C1GALT1: variants seen among roughly 807,000 people sequenced by gnomAD.
The protein encoded by C1GALT1 is glycoprotein-N-acetylgalactosamine 3-beta-galactosyltransferase 1.
Under a neutral mutation model 31.0 loss-of-function variants are expected in C1GALT1, and 11 were observed. The observed-to-expected ratio is 0.36, with a 90% CI of 0.22 to 0.59. The LOEUF is 0.59. Ranked by LOEUF, C1GALT1 falls within the 20% of genes least tolerant of loss-of-function variation. The probability of loss-of-function intolerance (pLI) is 0.79; values close to 1 mark genes in which losing one functional copy is unlikely to be tolerated. For missense variants in C1GALT1, 424 were observed against 425.2 expected, an observed-to-expected ratio of 1.00 and a Z score of 0.03; for synonymous variants, 175 against 143.6, an observed-to-expected ratio of 1.22 and a Z score of -1.56.
chr7:7,191,337 G>A (rs924694791), intron 1 of C1GALT1, among the ~76,000 whole-genome samples: 8 of 152,100 alleles, frequency 5.3e-5, no homozygotes, highest in Admixed American at 2.6e-4. Flanking sequence ...TTTCAAGGCT[G>A]AATACTATTC....
intron 3 of C1GALT1, 81 bp downstream of exon 3, chr7:7,239,003 T>C: frequency 8.9e-7 from 1 of 1,124,982 alleles, no homozygotes; most frequent in South Asian, 1.6e-5. Context: ...TATGTGTATG[T>C]TTCTTTAGTA....
rs117018832 is a variant in C1GALT1 at position 7,193,845 on chromosome 7, A to G, written c.-18+11025A>G. ...TTTCCATTTGTTTGTGTCATTTTCAATTTCTTTCAGCAGTGTTTTGTAGTT... is the reference window on the plus strand; with the variant it reads ...TTTCCATTTGTTTGTGTCATTTTCAGTTTCTTTCAGCAGTGTTTTGTAGTT... On this transcript the variant is annotated intron_variant, in intron 1 of 3. Coordinates refer to ENST00000436587, the MANE Select transcript of C1GALT1 (RefSeq NM_020156.5). Among the ~76,000 whole-genome samples the G allele has an allele frequency of 4.6e-3, 700 of 152,098 alleles. 7 individuals are homozygous for G. Among genetic ancestry groups the G allele is most frequent in the East Asian group, 0.015 (78 of 5,176 alleles).
chr7:7,218,558 T>C (rs1259678413), intron 1 of C1GALT1, among the ~76,000 whole-genome samples: 1 of 152,170 alleles, frequency 6.6e-6, no homozygotes, highest in Non-Finnish European at 1.5e-5. Context: ...GGTGAGCTGC[T>C]TTGCCCCCTC....
intron 3 of C1GALT1, among the ~76,000 whole-genome samples, chr7:7,243,305 C>G (rs1783710395): frequency 6.6e-6 from 1 of 152,104 alleles, no homozygotes; most frequent in Non-Finnish European, 1.5e-5. Context: ...TCCACAGTTT[C>G]ACTTGGTTTC....
intron 2 of C1GALT1, among the ~76,000 whole-genome samples, chr7:7,169,597 T>C (rs966393567): frequency 6.6e-6 from 1 of 152,174 alleles, no homozygotes; most frequent in Non-Finnish European, 1.5e-5. Context: ...TGGTACATCA[T>C]TGTTGTTTTG....
chr7:7,189,312 G>T (rs1006733673), intron 1 of C1GALT1, among the ~76,000 whole-genome samples: 1 of 152,004 alleles, frequency 6.6e-6, no homozygotes, highest in Non-Finnish European at 1.5e-5. Context: ...ATATATCAAG[G>T]CATAATTAGT....
intron 1 of C1GALT1, among the ~76,000 whole-genome samples, chr7:7,230,622 C>T (rs1383679060): frequency 4.9e-5 from 6 of 121,514 alleles, no homozygotes; most frequent in South Asian, 2.7e-4. Flanking sequence ...TCTATATTCC[C>T]TTTTTTTTTT....
chr7:7,229,507 C>T (rs895947063), intron 1 of C1GALT1, among the ~76,000 whole-genome samples: 1 of 152,094 alleles, frequency 6.6e-6, no homozygotes, highest in African/African-American at 2.4e-5. Flanking sequence ...TGTAGATTGT[C>T]TTGATCATGT....
chr7:7,230,235 G>C lies in C1GALT1; in HGVS notation c.-17-4068G>C, dbSNP rs1249017366. On this transcript the variant is annotated intron_variant, in intron 1 of 3. Coordinates refer to ENST00000436587, the MANE Select transcript of C1GALT1 (RefSeq NM_020156.5). ...TGTACTTAATGGGATAAAGACACAT[G>C]AATGGGTTTTTGTATACACTTTTTA... Among the ~76,000 whole-genome samples the C allele has an allele frequency of 8.5e-5, 13 of 152,228 alleles. No homozygotes were observed. In the East Asian group the frequency reaches 2.3e-3, roughly 27 times the overall value.
At chr7:7,195,391 A>G in intron 1 of C1GALT1, among the ~76,000 whole-genome samples, 1 of 152,160 alleles carries the variant, frequency 6.6e-6, no homozygotes, top group East Asian at 1.9e-4. Context: ...CATTCAGTTC[A>G]AAGGATTTTT....
chr7:7,228,800 C>G (rs10259085), intron 1 of C1GALT1, among the ~76,000 whole-genome samples: 1 of 151,952 alleles, frequency 6.6e-6, no homozygotes, highest in African/African-American at 2.4e-5. Context: ...AAAACAATTA[C>G]GTAACACCAA....
At chr7:7,163,662 T>C (rs1387436392) in intron 2 of C1GALT1, among the ~76,000 whole-genome samples, 5 of 152,070 alleles carry the variant, frequency 3.3e-5, no homozygotes, top group Admixed American at 6.6e-5. Context: ...AGCATTCTTA[T>C]ACACCAATAA....
intron 1 of C1GALT1, among the ~76,000 whole-genome samples, chr7:7,212,569 G>A (rs922688686): frequency 3.3e-5 from 5 of 152,212 alleles, no homozygotes; most frequent in Admixed American, 6.5e-5. Flanking sequence ...AGCAGGCTTA[G>A]TGTGATCAAC....
At chr7:7,179,809 G>T (rs1439535555), upstream of C1GALT1, among the ~76,000 whole-genome samples, 1 of 151,166 alleles carries the variant, frequency 6.6e-6, no homozygotes, top group Non-Finnish European at 1.5e-5. Context: ...TTGTTATTAT[G>T]GGTGAAATAT....
chr7:7,171,150 T>C (rs928145596), intron 2 of C1GALT1, among the ~76,000 whole-genome samples: 1 of 152,154 alleles, frequency 6.6e-6, no homozygotes, highest in African/African-American at 2.4e-5. Flanking sequence ...GTCTTTTATT[T>C]TGTGACTTAT....
At chr7:7,243,271 A>C (rs1207701350) in intron 3 of C1GALT1, among the ~76,000 whole-genome samples, 1 of 152,118 alleles carries the variant, frequency 6.6e-6, no homozygotes, top group Non-Finnish European at 1.5e-5. Context: ...GTGTGAGAGA[A>C]TATTGTTTCA....
chr7:7,198,984 A>G lies in C1GALT1; in HGVS notation c.-18+16164A>G, dbSNP rs544190086. Among the ~76,000 whole-genome samples the G allele has an allele frequency of 7.4e-4, 112 of 152,210 alleles. 1 individual carries two copies. Among genetic ancestry groups the G allele is most frequent in the South Asian group, 6.6e-3 (32 of 4,826 alleles). On this transcript the variant is annotated intron_variant, in intron 1 of 3. Transcript: ENST00000436587. Reference sequence around the variant, plus strand: ...ATTTTGTTGATCTTTTCAAAAAACCAGCTCCTGGATTCACTGATTTTTTTT... The same window carrying G: ...ATTTTGTTGATCTTTTCAAAAAACCGGCTCCTGGATTCACTGATTTTTTTT...
chr7:7,169,742 G>A (rs1780432468), intron 2 of C1GALT1, among the ~76,000 whole-genome samples: 1 of 152,126 alleles, frequency 6.6e-6, no homozygotes, highest in African/African-American at 2.4e-5. Flanking sequence ...TTTTAAGTAT[G>A]TTGTTGGATT....
At chr7:7,185,648 C>A (rs999845525) in intron 1 of C1GALT1, among the ~76,000 whole-genome samples, 1 of 152,184 alleles carries the variant, frequency 6.6e-6, no homozygotes, top group Non-Finnish European at 1.5e-5. Context: ...ATGGTGTGCT[C>A]CACTTCTTGC....
Sources: allele counts gnomAD v4.1 joint callset (sites outside exome capture counted in the v4.1 genomes callset), GRCh38; gene constraint gnomAD v4.1.1; transcripts MANE v1.5; gene names NCBI Gene and HGNC (gene_info 2026-07-23, HGNC 2026-07-21).